CAPN1: variants seen among roughly 807,000 people sequenced by gnomAD.
CAPN1 encodes calpain 1.
In CAPN1, 77 loss-of-function variants were observed where a neutral mutation model predicts 105.2. That is an observed-to-expected ratio of 0.73 (90% CI 0.61 to 0.88). The LOEUF (loss-of-function observed/expected upper bound fraction) is 0.88. CAPN1 is among the 40% of genes least tolerant of loss of function. The probability of loss-of-function intolerance (pLI) is 0.00; values close to 1 mark genes in which losing one functional copy is unlikely to be tolerated. For synonymous variants in CAPN1, 355 were observed against 388.8 expected (o/e 0.91, Z 1.02); for missense variants, 833 against 976.6 (o/e 0.85, Z 1.96).
chr11:65,204,228 C>T (rs1294261022), intron 10 of CAPN1, among the ~76,000 whole-genome samples: 4 of 152,122 alleles, frequency 2.6e-5, no homozygotes, highest in Non-Finnish European at 4.4e-5. Context: ...AGTCCCTGGC[C>T]GGCTCCTGGG....
At chr11:65,185,072 C>T (rs1258165543) in intron 4 of CAPN1, among the ~76,000 whole-genome samples, 1 of 151,900 alleles carries the variant, frequency 6.6e-6, no homozygotes, top group Non-Finnish European at 1.5e-5. Context: ...AGGAAAGCAT[C>T]CCCTTAGCCC....
Position 65,209,644 on chromosome 11 carries a change from C to A in CAPN1, c.1795-205C>A. On this transcript the variant is annotated intron_variant, in intron 17 of 21. Transcript: ENST00000279247. This position sits in a 1 kb window ranked among gnomAD's most constrained non-coding sequence, Gnocchi z 4.1. The stretch of plus-strand genomic sequence containing the variant: ...ACCCTGAGGCTGGTGCTATTTCTGA[C>A]CCCTCCCCAGCCCACTCCACTGCAG... 1 of 643,242 alleles carries A rather than the reference C, an allele frequency of 1.6e-6. No homozygotes were observed. The highest frequency in any genetic ancestry group is 2.7e-6 in the Non-Finnish European group (1 of 363,864). The allele number at this position is 643,242 out of a possible 1,614,324, so 39.8% of individuals were successfully genotyped here.
intron 3 of CAPN1, 112 bp from the exon 4 acceptor site, chr11:65,183,362 G>A (rs1948575881): frequency 6.4e-6 from 7 of 1,100,990 alleles, no homozygotes; most frequent in African/African-American, 1.5e-5. Flanking sequence ...TCTGCAAGCT[G>A]AGGGGAGTTA....
upstream of CAPN1, chr11:65,181,525 G>C: frequency 2.7e-6 from 1 of 364,568 alleles, no homozygotes; most frequent in Admixed American, 3.5e-5. This position sits in a 1 kb window ranked among gnomAD's most constrained non-coding sequence, Gnocchi z 4.6. Context: ...CGGCGCCGCC[G>C]CACAATCGCC....
intron 10 of CAPN1, among the ~76,000 whole-genome samples, chr11:65,189,058 C>G (rs1948683837): frequency 6.6e-6 from 1 of 151,876 alleles, no homozygotes; most frequent in African/African-American, 2.4e-5. Flanking sequence ...GAGTCTCACT[C>G]TGTTGCCCAG....
At chr11:65,211,095 C>T in intron 21 of CAPN1, 165 bp from the exon 22 acceptor site, 2 of 813,470 alleles carry the variant, frequency 2.5e-6, no homozygotes, top group Admixed American at 4.2e-5. Flanking sequence ...ATGGGAGCAG[C>T]ACTCTGGTTT....
At chr11:65,200,662 A>G (rs993364786) in intron 10 of CAPN1, among the ~76,000 whole-genome samples, 1 of 151,664 alleles carries the variant, frequency 6.6e-6, no homozygotes, top group African/African-American at 2.4e-5. Context: ...TTTTTTTGAG[A>G]CAGTGTCTCA....
At chr11:65,201,259 T>C (rs940326714) in intron 10 of CAPN1, among the ~76,000 whole-genome samples, 1 of 151,198 alleles carries the variant, frequency 6.6e-6, no homozygotes, top group Non-Finnish European at 1.5e-5. Context: ...GCTCATTTTC[T>C]TACTTTTTGT....
In CAPN1 at chr11:65,190,141, T is replaced by A. The variant is rs987539648; in HGVS notation, c.1165+1395T>A. On this transcript the variant is annotated intron_variant, in intron 10 of 21. Transcript: ENST00000279247. ...TCTCCAGTGTCATTACGGAGAGTCC[T>A]CTGTCTTAACACAAAGCAACCCTCT... Among the ~76,000 whole-genome samples, 65 of 152,354 alleles carry A rather than the reference T, an allele frequency of 4.3e-4. 1 individual carries two copies. The highest frequency in any genetic ancestry group is 6.0e-4 in the Non-Finnish European group (41 of 68,026).
chr11:65,204,842 G>T lies in CAPN1; in HGVS notation c.1325G>T (p.Gly442Val). The T allele has an allele frequency of 6.2e-7, 1 of 1,609,070 alleles. No individual in the cohort carries two copies. Among genetic ancestry groups the T allele is most frequent in the South Asian group, 1.1e-5 (1 of 91,014 alleles). Residue 442 changes from glycine (G) to valine (V), a missense_variant, in exon 11 of 22, where the codon GGC becomes GTC. Coordinates refer to ENST00000279247, the MANE Select transcript of CAPN1 (RefSeq NM_005186.4). ...RRFGRDMETI[G>V]FAVYEVPPEL... The stretch of plus-strand genomic sequence containing the variant: ...TTCGGCCGCGACATGGAGACTATTG[G>T]CTTCGCGGTCTACGAGGTCAGGAGG...
intron 10 of CAPN1, among the ~76,000 whole-genome samples, chr11:65,195,839 C>T (rs1234792498): frequency 1.3e-5 from 2 of 152,018 alleles, no homozygotes; most frequent in Non-Finnish European, 2.9e-5. Context: ...GGTGGAATTT[C>T]GAAGCCATCT....
intron 10 of CAPN1, 81 bp from the exon 11 acceptor site, chr11:65,204,602 A>G (rs1035781100): frequency 2.4e-6 from 3 of 1,235,814 alleles, no homozygotes; most frequent in Non-Finnish European, 3.5e-6. Context: ...ATGCGTGCAC[A>G]GGGACGTGCT....
At chr11:65,205,764 A>T (rs1948948091) in intron 12 of CAPN1, 43 bp downstream of exon 12, 1 of 1,602,990 alleles carries the variant, frequency 6.2e-7, no homozygotes, top group Admixed American at 1.7e-5. Flanking sequence ...CACACCCCTG[A>T]TGGTGCCAGA....
At chr11:65,197,708 G>A (rs959360989) in intron 10 of CAPN1, among the ~76,000 whole-genome samples, 1 of 151,944 alleles carries the variant, frequency 6.6e-6, no homozygotes, top group African/African-American at 2.4e-5. Flanking sequence ...CCAACATGGT[G>A]GAACCCCATC....
upstream of CAPN1, chr11:65,181,535 C>T (rs573539982): frequency 4.4e-5 from 17 of 388,046 alleles, 1 homozygote; most frequent in East Asian, 2.4e-3. The surrounding 1 kb of genome is among the most constrained non-coding windows in gnomAD (Gnocchi z 4.6). Flanking sequence ...GCACAATCGC[C>T]CCGGAATGCC....
At chr11:65,193,268 T>G (rs1948744738) in intron 10 of CAPN1, among the ~76,000 whole-genome samples, 1 of 151,820 alleles carries the variant, frequency 6.6e-6, no homozygotes, top group South Asian at 2.1e-4. Context: ...CGTGAGCCAC[T>G]GCACCCAGCC....
At chr11:65,206,038 A>C (rs1948951730) in intron 12 of CAPN1, 1 of 525,470 alleles carries the variant, frequency 1.9e-6, no homozygotes, top group Admixed American at 3.3e-5. Flanking sequence ...CAATGTCAGG[A>C]GCAGGGCATT....
chr11:65,210,038 C>T lies in CAPN1; in HGVS notation c.1884C>T (p.Asp628=), dbSNP rs1260089443. Reference sequence around the variant, plus strand: ...CTCAGTCCATCTTCCGGAAGTTTGACCTGGACAAGTCGGGCAGCATGAGTG... The same window carrying T: ...CTCAGTCCATCTTCCGGAAGTTTGATCTGGACAAGTCGGGCAGCATGAGTG... The part of the protein sequence containing the change: ...RNYLSIFRKF[D]LDKSGSMSAY... The change falls in exon 19 of 22, where the codon GAC becomes GAT. Residue 628 remains aspartate, a synonymous_variant. Transcript: ENST00000279247. This position sits in a 1 kb window ranked among gnomAD's most constrained non-coding sequence, Gnocchi z 4.3. The T allele has an allele frequency of 6.2e-7, 1 of 1,613,046 alleles. No individual in the cohort carries two copies. The highest frequency in any genetic ancestry group is 8.5e-7 in the Non-Finnish European group (1 of 1,179,858).
intron 7 of CAPN1, chr11:65,187,585 AG>A (rs1427631512): frequency 1.9e-6 from 1 of 513,872 alleles, no homozygotes; most frequent in Non-Finnish European, 3.5e-6. Flanking sequence ...TGGGAGGCGG[AG>A]TGTTAAAGTG....
Sources: allele counts gnomAD v4.1 joint callset (sites outside exome capture counted in the v4.1 genomes callset), GRCh38; gene constraint gnomAD v4.1.1; non-coding constraint Gnocchi (gnomAD v3.1); transcripts MANE v1.5; gene names NCBI Gene and HGNC (gene_info 2026-07-23, HGNC 2026-07-21).